FNTB: variants seen among roughly 807,000 people sequenced by gnomAD.
FNTB encodes the protein protein farnesyltransferase subunit beta.
In FNTB, 27 loss-of-function variants were observed where a neutral mutation model predicts 59.4. The ratio of observed to expected loss-of-function variants is 0.45; its 90% confidence interval spans 0.34 to 0.63. FNTB has a LOEUF of 0.63. Among genes scored for constraint, FNTB ranks in the 20% least tolerant of loss-of-function variants. The probability of loss-of-function intolerance (pLI) is 0.02; values close to 1 mark genes in which losing one functional copy is unlikely to be tolerated. For missense variants in FNTB, 449 were observed against 559.6 expected (o/e 0.80, Z 1.99); for synonymous variants, 230 against 220.7 (o/e 1.04, Z -0.37).
chr14:65,042,232 A>G (rs1239358896), intron 8 of FNTB, among the ~76,000 whole-genome samples: 1 of 152,158 alleles, frequency 6.6e-6, no homozygotes, highest in Non-Finnish European at 1.5e-5. Context: ...ATTCAAGTAC[A>G]TTACATTTAT....
chr14:65,004,880 C>T (rs544727000), intron 2 of FNTB, among the ~76,000 whole-genome samples: 1 of 152,286 alleles, frequency 6.6e-6, no homozygotes, highest in Admixed American at 6.5e-5. Context: ...CCAGTCTTGT[C>T]TTAAACTCCT....
intron 4 of FNTB, among the ~76,000 whole-genome samples, chr14:65,019,584 G>T (rs2061849084): frequency 6.6e-6 from 1 of 152,170 alleles, no homozygotes. Flanking sequence ...AAAAGGAATG[G>T]TTTAAAAATA....
chr14:65,037,219 T>C (rs1244990082), intron 7 of FNTB, among the ~76,000 whole-genome samples: 1 of 151,288 alleles, frequency 6.6e-6, no homozygotes, highest in Admixed American at 6.6e-5. Context: ...TTCTCCTGCC[T>C]CAGCCTCCTG....
intron 1 of FNTB, among the ~76,000 whole-genome samples, chr14:64,988,668 G>A (rs1888056666): frequency 6.6e-6 from 1 of 152,108 alleles, no homozygotes; most frequent in African/African-American, 2.4e-5. Flanking sequence ...CTGACCTCCA[G>A]TGATCTGCCC....
At chr14:65,048,526 GA>G (rs904088325) in intron 9 of FNTB, among the ~76,000 whole-genome samples, 1 of 152,162 alleles carries the variant, frequency 6.6e-6, no homozygotes, top group African/African-American at 2.4e-5. Context: ...ATGTGTAAAT[GA>G]CAGTATTTGA....
rs2061733567 is a variant in FNTB at position 65,014,349 on chromosome 14, G to GT, written c.283-1275dup. On this transcript the variant is annotated intron_variant, in intron 3 of 11. Coordinates refer to ENST00000246166, the MANE Select transcript of FNTB (RefSeq NM_002028.4). This position sits in a 1 kb window ranked among gnomAD's most constrained non-coding sequence, Gnocchi z 5.1. ...TTTCCTAGCTCCCCAGGCAGAATTA[G>GT]TCAGTCTCTTCCACGTGCTCCCTCA... 6.6e-6 allele frequency among the ~76,000 whole-genome samples: 1 copy of GT among 152,188 alleles called. No individual in the cohort carries two copies. Among genetic ancestry groups the GT allele is most frequent in the South Asian group, 2.1e-4 (1 of 4,832 alleles).
At chr14:65,016,949 GTT>G (rs1295490498) in intron 4 of FNTB, among the ~76,000 whole-genome samples, 2 of 125,212 alleles carry the variant, frequency 1.6e-5, no homozygotes, top group East Asian at 5.3e-4. Flanking sequence ...TTGAGACAGA[GTT>G]TCACTCTGTC....
In FNTB at chr14:65,054,908, C is replaced by CA. The variant is rs2062697405; in HGVS notation, c.1182+222dup. Among the ~76,000 whole-genome samples the CA allele has an allele frequency of 6.6e-6, 1 of 152,190 alleles. No individual in the cohort carries two copies. Among genetic ancestry groups the CA allele is most frequent in the Non-Finnish European group, 1.5e-5 (1 of 68,032 alleles). On this transcript the variant is annotated intron_variant, in intron 11 of 11. Transcript: ENST00000246166. This position sits in a 1 kb window ranked among gnomAD's most constrained non-coding sequence, Gnocchi z 4.4. ...GTTCCAGATGGGCGGTCTGATCTGTCAAAGAGCTGTTGTGCCTTTATCCCA... is the reference window on the plus strand; with the variant it reads ...GTTCCAGATGGGCGGTCTGATCTGTCAAAAGAGCTGTTGTGCCTTTATCCCA...
At chr14:65,040,568 G>C (rs946670949) in intron 7 of FNTB, among the ~76,000 whole-genome samples, 3 of 150,242 alleles carry the variant, frequency 2.0e-5, no homozygotes, top group African/African-American at 7.4e-5. Flanking sequence ...AGTCTCCTGA[G>C]CAGCTGGGAT....
chr14:65,032,583 A>C lies in FNTB; in HGVS notation c.606-27A>C. On this transcript the variant is annotated intron_variant, in intron 6 of 11. Coordinates refer to ENST00000246166, the MANE Select transcript of FNTB (RefSeq NM_002028.4). The surrounding 1 kb of genome is among the most constrained non-coding windows in gnomAD (Gnocchi z 5.0). ...CTCATTAGCTCTTCCGTAGAGCTTAATGTGTTTCCCGTTTCTGTCTTTCCA... is the reference window on the plus strand; with the variant it reads ...CTCATTAGCTCTTCCGTAGAGCTTACTGTGTTTCCCGTTTCTGTCTTTCCA... The C allele has an allele frequency of 3.1e-6, 5 of 1,611,248 alleles. No homozygotes were observed. Among genetic ancestry groups the C allele is most frequent in the Non-Finnish European group, 4.2e-6 (5 of 1,179,380 alleles).
chr14:65,054,837 G>T lies in FNTB; in HGVS notation c.1182+148G>T, dbSNP rs201397395. 6 of 880,782 alleles carry T rather than the reference G, an allele frequency of 6.8e-6. No homozygotes were observed. The highest frequency in any genetic ancestry group is 1.0e-5 in the Non-Finnish European group (6 of 581,858). The allele number at this position is 880,782 out of a possible 1,614,324, so 54.6% of individuals were successfully genotyped here. A position where few individuals can be genotyped will look rare whatever the true frequency, so the allele number is the denominator to read the frequency against. On this transcript the variant is annotated intron_variant, in intron 11 of 11. Coordinates refer to ENST00000246166, the MANE Select transcript of FNTB (RefSeq NM_002028.4). The surrounding 1 kb of genome is among the most constrained non-coding windows in gnomAD (Gnocchi z 4.4). ...TGCCCTTCGAGCTGTGCAGCCGTTA[G>T]TGAGGATGTGACCACAGAGGAGACG...
At chr14:65,048,371 GTACAAA>G (rs1242057842) in intron 9 of FNTB, among the ~76,000 whole-genome samples, 3 of 150,754 alleles carry the variant, frequency 2.0e-5, no homozygotes, top group African/African-American at 7.3e-5. Context: ...TTTGGTAAAT[GTACAAA>G]TACATTTTTT....
intron 4 of FNTB, among the ~76,000 whole-genome samples, chr14:65,017,280 T>G (rs1191982876): frequency 6.6e-6 from 1 of 152,124 alleles, no homozygotes; most frequent in East Asian, 1.9e-4. Flanking sequence ...AAGTTTTCCC[T>G]TCACTCCTAC....
At chr14:65,025,674 G>A (rs1393696267) in intron 4 of FNTB, among the ~76,000 whole-genome samples, 1 of 152,102 alleles carries the variant, frequency 6.6e-6, no homozygotes, top group Non-Finnish European at 1.5e-5. Flanking sequence ...AACTAGCCAG[G>A]CGTGGTGGCT....
Position 65,027,649 on chromosome 14 carries a change from C to A in FNTB, c.522-49C>A. The A allele has an allele frequency of 6.2e-7, 1 of 1,614,050 alleles. No homozygotes were observed. The highest frequency in any genetic ancestry group is 2.2e-5 in the East Asian group (1 of 44,878). ...GAAACCTAGAGGAGTTCCCCGCCTG[C>A]TGACACGCACTGACTGTTGCCTCTC... On this transcript the variant is annotated intron_variant, in intron 5 of 11. Coordinates refer to ENST00000246166, the MANE Select transcript of FNTB (RefSeq NM_002028.4). This position sits in a 1 kb window ranked among gnomAD's most constrained non-coding sequence, Gnocchi z 5.7.
rs2062334978 is a variant in FNTB at position 65,040,812 on chromosome 14, A to C, written c.715A>C (p.Ile239Leu). 6.2e-7 allele frequency: 1 copy of C among 1,613,308 alleles called. No homozygotes were observed. Among genetic ancestry groups the C allele is most frequent in the Admixed American group, 1.7e-5 (1 of 59,978 alleles). The change falls in exon 8 of 12, where the codon ATT (isoleucine) becomes CTT (leucine). Residue 239 changes from isoleucine to leucine, a missense_variant. By Grantham distance (5) the Ile-to-Leu change is conservative. Coordinates refer to ENST00000246166, the MANE Select transcript of FNTB (RefSeq NM_002028.4). ...IARCQNWEGG[I>L]GGVPGMEAHG... ...TAGGTGTCAGAACTGGGAAGGTGGC[A>C]TTGGCGGGGTACCAGGGATGGAAGC...
rs143474582 is a variant in FNTB at position 65,048,263 on chromosome 14, G to A, written c.955+3820G>A. Among the ~76,000 whole-genome samples the A allele has an allele frequency of 1.6e-3, 245 of 151,386 alleles. 1 individual carries two copies. The highest frequency in any genetic ancestry group is 5.8e-3 in the African/African-American group (241 of 41,292). On this transcript the variant is annotated intron_variant, in intron 9 of 11. Transcript: ENST00000246166. ...CACACAAAGTGCTGAGATTACAGGCGTGAGCCACCATACCTGGCCAACTTT... is the reference window on the plus strand; with the variant it reads ...CACACAAAGTGCTGAGATTACAGGCATGAGCCACCATACCTGGCCAACTTT...
At chr14:65,045,504 C>T (rs1435122633) in intron 9 of FNTB, among the ~76,000 whole-genome samples, 2 of 151,264 alleles carry the variant, frequency 1.3e-5, no homozygotes, top group African/African-American at 4.9e-5. Flanking sequence ...CAGCCTCCAC[C>T]TCCCAGGTTC....
At chr14:65,015,468 A>C in intron 3 of FNTB, 157 bp from the exon 4 acceptor site, 1 of 397,542 alleles carries the variant, frequency 2.5e-6, no homozygotes, top group Non-Finnish European at 4.3e-6. Context: ...GGCTAAGGCC[A>C]CAAAGCAAAG....
Sources: gnomAD v4.1 joint callset for allele counts (sites outside exome capture counted in the v4.1 genomes callset) on GRCh38, gnomAD v4.1.1 for gene constraint, Gnocchi (gnomAD v3.1) non-coding constraint, MANE v1.5 for transcripts, NCBI Gene and HGNC (gene_info 2026-07-23, HGNC 2026-07-21) for gene names.